The following YPEL1 variants were observed in gnomAD, a reference collection of about 807,000 sequenced individuals.
YPEL1 encodes protein yippee-like 1.
Under a neutral mutation model 17.3 loss-of-function variants are expected in YPEL1, and 7 were observed. The ratio of observed to expected loss-of-function variants is 0.40; its 90% CI spans 0.23 to 0.76. The LOEUF is 0.76. Among genes scored for constraint, YPEL1 ranks in the 30% least tolerant of loss-of-function variants. The pLI, the probability that YPEL1 is intolerant of heterozygous loss-of-function variation, is 0.35. For synonymous variants in YPEL1, 59 were observed against 59.6 expected, an observed-to-expected ratio of 0.99 and a Z score of 0.05; for missense variants, 91 against 155.5, an observed-to-expected ratio of 0.59 and a Z score of 2.21.
chr22:21,712,874 T>A (rs1044267513), intron 1 of YPEL1, among the ~76,000 whole-genome samples: 1 of 152,046 alleles, frequency 6.6e-6, no homozygotes, highest in Non-Finnish European at 1.5e-5. Context: ...ATCTATATTC[T>A]ATATAGTTAT....
In YPEL1 at chr22:21,703,628, G is replaced by T; in HGVS notation, c.162-150C>A. 1.2e-6 allele frequency: 1 copy of T among 816,554 alleles called. No individual in the cohort carries two copies. The highest frequency in any genetic ancestry group is 1.9e-6 in the Non-Finnish European group (1 of 521,972). 50.6% of individuals were successfully genotyped at this position (816,554 alleles called of 1,614,324 possible). On this transcript the variant is annotated intron_variant, in intron 3 of 4. Coordinates refer to ENST00000339468, the MANE Select transcript of YPEL1 (RefSeq NM_013313.5). The surrounding 1 kb of genome is among the most constrained non-coding windows in gnomAD (Gnocchi z 6.1). ...AGTGCCGTGCCTCTCCCCCAGCCCT[G>T]CCCGCCACCACCATCAATGGGAAAG...
intron 2 of YPEL1, 186 bp from the exon 3 acceptor site, chr22:21,704,068 CTGTTT>C: frequency 1.4e-6 from 1 of 735,060 alleles, no homozygotes; most frequent in South Asian, 1.5e-5. Flanking sequence ...GAGCTGCAAG[CTGTTT>C]TTCATTGTAG....
At chr22:21,717,962 G>A (rs941532326) in intron 1 of YPEL1, among the ~76,000 whole-genome samples, 15 of 124,236 alleles carry the variant, frequency 1.2e-4, no homozygotes, top group East Asian at 5.1e-4. Context: ...CTGTCTCTAC[G>A]CAAAAAAAGT....
rs1005517270 is a variant in YPEL1 at position 21,699,109 on chromosome 22, G to C, written c.*2020C>G. 2 of 152,456 alleles carry C rather than the reference G, an allele frequency of 1.3e-5. No individual in the cohort carries two copies. The highest frequency in any genetic ancestry group is 2.9e-5 in the Non-Finnish European group (2 of 68,094). 9.4% of individuals were successfully genotyped at this position (152,456 alleles called of 1,614,324 possible). A position where few individuals can be genotyped will look rare whatever the true frequency, so the allele number is the denominator to read the frequency against. On this transcript the variant is annotated 3_prime_UTR_variant, in exon 5 of 5. Coordinates refer to ENST00000339468, the MANE Select transcript of YPEL1 (RefSeq NM_013313.5). The stretch of plus-strand genomic sequence containing the variant: ...GGCACCCAAAGGCATGCTGTGTGTG[G>C]GCAGTGAGCTCGAGTGGGCACAGCC...
intron 1 of YPEL1, among the ~76,000 whole-genome samples, chr22:21,717,268 C>G (rs940049464): frequency 6.6e-6 from 1 of 150,908 alleles, no homozygotes; most frequent in East Asian, 2.0e-4. Flanking sequence ...CTCAGCTACT[C>G]AGGAGGCTGA....
chr22:21,727,351 G>T (rs752898358), intron 1 of YPEL1, among the ~76,000 whole-genome samples: 80 of 152,220 alleles, frequency 5.3e-4, no homozygotes, highest in Non-Finnish European at 9.4e-4. Flanking sequence ...AACAACCAAT[G>T]TAAATGGGCT....
At chr22:21,709,361 A>C (rs1050641884) in intron 2 of YPEL1, among the ~76,000 whole-genome samples, 3 of 152,252 alleles carry the variant, frequency 2.0e-5, no homozygotes, top group African/African-American at 7.2e-5. Flanking sequence ...GAGAGAGCAG[A>C]AACTCTGCCT....
At chr22:21,714,224 G>A (rs1260778111) in intron 1 of YPEL1, among the ~76,000 whole-genome samples, 1 of 152,150 alleles carries the variant, frequency 6.6e-6, no homozygotes, top group East Asian at 1.9e-4. Flanking sequence ...GTAATCGTGT[G>A]AACGGAAGAC....
intron 1 of YPEL1, among the ~76,000 whole-genome samples, chr22:21,726,516 G>A (rs1163048375): frequency 1.3e-5 from 2 of 152,176 alleles, no homozygotes; most frequent in Non-Finnish European, 2.9e-5. Context: ...GCCTGAGAGG[G>A]AGGAGCATCA....
intron 1 of YPEL1, among the ~76,000 whole-genome samples, chr22:21,719,512 T>C (rs2068259231): frequency 6.6e-6 from 1 of 152,206 alleles, no homozygotes; most frequent in Non-Finnish European, 1.5e-5. Context: ...TTCAGGTCTC[T>C]AGCGTTCAGA....
intron 1 of YPEL1, among the ~76,000 whole-genome samples, chr22:21,714,294 T>C (rs1401909097): frequency 6.6e-6 from 1 of 152,256 alleles, no homozygotes; most frequent in East Asian, 1.9e-4. Context: ...ACGGCGCTGC[T>C]GTGCCCTTCC....
At position 21,703,953 on chromosome 22, in the gene YPEL1, G is replaced by C; in HGVS notation, c.118-71C>G. 6.5e-7 allele frequency: 1 copy of C among 1,530,082 alleles called. No homozygotes were observed. The highest frequency in any genetic ancestry group is 8.9e-7 in the Non-Finnish European group (1 of 1,126,852). 94.8% of individuals were successfully genotyped at this position (1,530,082 alleles called of 1,614,324 possible). On this transcript the variant is annotated intron_variant, in intron 2 of 4. Coordinates refer to ENST00000339468, the MANE Select transcript of YPEL1 (RefSeq NM_013313.5). The surrounding 1 kb of genome is among the most constrained non-coding windows in gnomAD (Gnocchi z 6.1). ...AACGAAGCGGTGCTGCCCAGAACCA[G>C]GGGAGTCCAGCCCCGCGGCTGTTAG...
rs752683534 is a variant in YPEL1, at chr22:21,703,482, C to T, written c.162-4G>A. The T allele has an allele frequency of 2.8e-5, 45 of 1,606,712 alleles. No homozygotes were observed. Among genetic ancestry groups the T allele is most frequent in the Non-Finnish European group, 3.6e-5 (42 of 1,179,316 alleles). ...AGGGCCGCAGCCCACGTTCACCCTG[C>T]GGGGACAGAGGGGCCACTGCGCTGC... On this transcript the variant is annotated splice_region_variant and splice_polypyrimidine_tract_variant and intron_variant, in intron 3 of 4. Transcript: ENST00000339468. The surrounding 1 kb of genome is among the most constrained non-coding windows in gnomAD (Gnocchi z 6.1).
intron 1 of YPEL1, among the ~76,000 whole-genome samples, chr22:21,734,611 CCT>C (rs2068419461): frequency 1.3e-5 from 2 of 152,290 alleles, no homozygotes; most frequent in South Asian, 4.1e-4. Context: ...TCCTGGAGAT[CCT>C]CTTATTCCTC....
At chr22:21,714,603 C>A (rs952302135) in intron 1 of YPEL1, among the ~76,000 whole-genome samples, 8 of 152,128 alleles carry the variant, frequency 5.3e-5, no homozygotes, top group Non-Finnish European at 1.5e-5. Flanking sequence ...GTGCTGCTGT[C>A]GCTGTCACCT....
At chr22:21,714,995 A>G (rs1339746169) in intron 1 of YPEL1, among the ~76,000 whole-genome samples, 1 of 152,234 alleles carries the variant, frequency 6.6e-6, no homozygotes, top group African/African-American at 2.4e-5. Flanking sequence ...TCGTGGAATG[A>G]TAAGCATTAC....
At chr22:21,731,488 A>G (rs547175132) in intron 1 of YPEL1, among the ~76,000 whole-genome samples, 1 of 151,964 alleles carries the variant, frequency 6.6e-6, no homozygotes, top group Non-Finnish European at 1.5e-5. Flanking sequence ...CTCATGCTAA[A>G]TAAAGTCTCA....
In YPEL1 at chr22:21,713,405, G is replaced by A. The variant is rs149606236; in HGVS notation, c.-164-2497C>T. ...GGCATTCTCATGATCAAAATGTGGC[G>A]TCTGCATACAGTGGAATGTTATCCA... is the stretch of plus-strand genomic sequence containing the variant. On this transcript the variant is annotated intron_variant, in intron 1 of 4. Coordinates refer to ENST00000339468, the MANE Select transcript of YPEL1 (RefSeq NM_013313.5). 7.8e-4 allele frequency among the ~76,000 whole-genome samples: 119 copies of A among 152,296 alleles called. No individual in the cohort carries two copies. In the East Asian group the frequency reaches 0.017, roughly 21 times the overall value.
chr22:21,713,219 G>A (rs1233524740), intron 1 of YPEL1, among the ~76,000 whole-genome samples: 2 of 152,258 alleles, frequency 1.3e-5, no homozygotes, highest in Admixed American at 6.5e-5. Flanking sequence ...CTCAAAAAAC[G>A]AAATATAGAA....
Sources: allele counts gnomAD v4.1 joint callset (sites outside exome capture counted in the v4.1 genomes callset), GRCh38; gene constraint gnomAD v4.1.1; non-coding constraint Gnocchi (gnomAD v3.1); transcripts MANE v1.5; gene names NCBI Gene and HGNC (gene_info 2026-07-23, HGNC 2026-07-21).